DPP10: variants seen among roughly 807,000 people sequenced by gnomAD.
DPP10 encodes the protein dipeptidyl peptidase like 10, also known as inactive dipeptidyl peptidase 10.
A neutral mutation model predicts 120.9 loss-of-function variants in DPP10; 33 were observed. That is an observed-to-expected ratio of 0.27 (90% confidence interval 0.21 to 0.37). The LOEUF is 0.37. Ranked by LOEUF, DPP10 falls within the 10% of genes least tolerant of loss-of-function variation. DPP10 has a pLI of 1.00. For missense variants in DPP10, 816 were observed against 942.8 expected (o/e 0.87, Z 1.76); for synonymous variants, 337 against 326.1 (o/e 1.03, Z -0.36).
At chr2:114,556,164 G>A (rs1254687232) in intron 1 of DPP10, among the ~76,000 whole-genome samples, 1 of 147,374 alleles carries the variant, frequency 6.8e-6, no homozygotes, top group Non-Finnish European at 1.5e-5. Flanking sequence ...CTGCTACAGA[G>A]GTCTAGAAGA....
intron 1 of DPP10, among the ~76,000 whole-genome samples, chr2:114,973,432 C>T (rs778715875): frequency 1.5e-4 from 22 of 151,582 alleles, no homozygotes; most frequent in Non-Finnish European, 2.8e-4. Flanking sequence ...GAGGACGAGG[C>T]GGGTGGATCA....
intron 1 of DPP10, among the ~76,000 whole-genome samples, chr2:115,093,726 A>C (rs1709475985): frequency 1.3e-5 from 2 of 152,058 alleles, no homozygotes; most frequent in Admixed American, 6.6e-5. Context: ...ACATATATGC[A>C]GAGACACACA....
chr2:115,255,591 G>T (rs531748160), intron 1 of DPP10, among the ~76,000 whole-genome samples: 1 of 151,904 alleles, frequency 6.6e-6, no homozygotes, highest in African/African-American at 2.4e-5. Context: ...AAACTTTTAC[G>T]CTCTGCTTCC....
At chr2:114,804,881 G>C (rs1684585493) in intron 1 of DPP10, among the ~76,000 whole-genome samples, 1 of 152,098 alleles carries the variant, frequency 6.6e-6, no homozygotes, top group African/African-American at 2.4e-5. Context: ...GAAATGTGGG[G>C]ACATGAGATT....
At chr2:114,743,390 T>C (rs1396106755) in intron 1 of DPP10, among the ~76,000 whole-genome samples, 3 of 148,762 alleles carry the variant, frequency 2.0e-5, no homozygotes, top group African/African-American at 7.5e-5. Flanking sequence ...TCTTTTTTTT[T>C]CTTTCATATC....
chr2:115,102,618 C>T (rs1354108640), intron 1 of DPP10, among the ~76,000 whole-genome samples: 1 of 151,770 alleles, frequency 6.6e-6, no homozygotes, highest in Non-Finnish European at 1.5e-5. Context: ...ACCATATTGG[C>T]CAGGCTGGTC....
At chr2:115,187,878 G>T (rs2105200837) in intron 1 of DPP10, among the ~76,000 whole-genome samples, 1 of 152,240 alleles carries the variant, frequency 6.6e-6, no homozygotes, top group South Asian at 2.1e-4. Context: ...AATTAGCAGG[G>T]TGTGATGGTA....
chr2:114,938,652 A>G (rs1363640493), intron 1 of DPP10, among the ~76,000 whole-genome samples: 1 of 151,220 alleles, frequency 6.6e-6, no homozygotes, highest in Non-Finnish European at 1.5e-5. Flanking sequence ...TTTAATTTGT[A>G]TGACTAAGAA....
At chr2:115,671,693 T>C (rs1377715453) in intron 5 of DPP10, among the ~76,000 whole-genome samples, 1 of 152,172 alleles carries the variant, frequency 6.6e-6, no homozygotes, top group South Asian at 2.1e-4. Flanking sequence ...TCTGCAGATC[T>C]AGAAATTTAG....
chr2:114,910,258 T>G (rs1213592283), intron 1 of DPP10, among the ~76,000 whole-genome samples: 1 of 151,890 alleles, frequency 6.6e-6, no homozygotes, highest in African/African-American at 2.4e-5. Flanking sequence ...AATCCAAAGG[T>G]TATTTTATTT....
chr2:115,636,765 T>A (rs2086369610), intron 5 of DPP10, among the ~76,000 whole-genome samples: 1 of 151,942 alleles, frequency 6.6e-6, no homozygotes, highest in South Asian at 2.1e-4. Context: ...AAAAAAAAAA[T>A]TACCACATAG....
In DPP10 at chr2:115,703,124, A is replaced by T. The variant is rs1337079605; in HGVS notation, c.576+13203A>T. 4.6e-5 allele frequency among the ~76,000 whole-genome samples: 7 copies of T among 152,012 alleles called. No homozygotes were observed. In the East Asian group the frequency reaches 1.4e-3, roughly 29 times the overall value. On this transcript the variant is annotated intron_variant, in intron 7 of 25. Transcript: ENST00000410059. ...GGATTTCACCTTTAGAAGGAAAAACATAGTACTAATTAGAATGAATCTAGA... is the reference window on the plus strand; with the variant it reads ...GGATTTCACCTTTAGAAGGAAAAACTTAGTACTAATTAGAATGAATCTAGA...
chr2:115,114,859 C>T (rs1231906453), intron 1 of DPP10, among the ~76,000 whole-genome samples: 1 of 152,028 alleles, frequency 6.6e-6, no homozygotes, highest in African/African-American at 2.4e-5. Flanking sequence ...ATAGCATTAA[C>T]ACGTTGGAAT....
rs573822516 is a variant in DPP10, at chr2:115,185,996, A to C, written c.61-123243A>C. Among the ~76,000 whole-genome samples the C allele has an allele frequency of 2.6e-5, 4 of 152,378 alleles. No homozygotes were observed. The East Asian group carries it at 5.8e-4, about 22-fold the overall frequency. ...AGCAACTCACTACCACCTCTACTTCATAATAAATACACCCCACATTGTTGT... is the reference window on the plus strand; with the variant it reads ...AGCAACTCACTACCACCTCTACTTCCTAATAAATACACCCCACATTGTTGT... On this transcript the variant is annotated intron_variant, in intron 1 of 25. Coordinates refer to ENST00000410059, the MANE Select transcript of DPP10 (RefSeq NM_020868.6).
chr2:115,827,837 T>G (rs867132563), intron 21 of DPP10, among the ~76,000 whole-genome samples: 4 of 152,054 alleles, frequency 2.6e-5, no homozygotes, highest in African/African-American at 9.7e-5. Context: ...CCTCAGGTGA[T>G]CCACAAGCGT....
At chr2:114,545,984 T>TAC (rs1687361591) in intron 1 of DPP10, among the ~76,000 whole-genome samples, 1 of 152,086 alleles carries the variant, frequency 6.6e-6, no homozygotes, top group South Asian at 2.1e-4. Context: ...CTGGTTTATA[T>TAC]ACTCATATTG....
At chr2:115,780,294 G>A (rs59570595) in intron 15 of DPP10, among the ~76,000 whole-genome samples, 1 of 151,848 alleles carries the variant, frequency 6.6e-6, no homozygotes, top group South Asian at 2.1e-4. Flanking sequence ...GTCAAAGTGT[G>A]TATTGTTGTT....
Position 115,836,153 on chromosome 2 carries a change from C to G in DPP10, c.1951-4C>G. 6.5e-7 allele frequency: 1 copy of G among 1,542,748 alleles called. No individual in the cohort carries two copies. The highest frequency in any genetic ancestry group is 8.7e-7 in the Non-Finnish European group (1 of 1,146,924). On this transcript the variant is annotated splice_polypyrimidine_tract_variant and splice_region_variant and intron_variant, in intron 21 of 25. Coordinates refer to ENST00000410059, the MANE Select transcript of DPP10 (RefSeq NM_020868.6). Reference sequence around the variant, plus strand: ...ATATATATATATATATTTTTCCCCCCCAGGGTTATGGTGGCTATATTGCAT... The same window carrying G: ...ATATATATATATATATTTTTCCCCCGCAGGGTTATGGTGGCTATATTGCAT...
chr2:115,689,948 A>T lies in DPP10; in HGVS notation c.576+27A>T, dbSNP rs1490204547. On this transcript the variant is annotated intron_variant, in intron 7 of 25. Coordinates refer to ENST00000410059, the MANE Select transcript of DPP10 (RefSeq NM_020868.6). ...TAAGCGCAGGCATTGGTATGCACTG[A>T]ACACTGCCAATCATGGTTTTATGGA... 2.5e-6 allele frequency: 4 copies of T among 1,592,728 alleles called. No individual in the cohort carries two copies. In the Admixed American group the frequency reaches 7.2e-5, roughly 29 times the overall value.
Sources: gnomAD v4.1 joint callset for allele counts (sites outside exome capture counted in the v4.1 genomes callset) on GRCh38, gnomAD v4.1.1 for gene constraint, MANE v1.5 for transcripts, NCBI Gene and HGNC (gene_info 2026-07-23, HGNC 2026-07-21) for gene names.